XPO1: variants seen among roughly 807,000 people sequenced by gnomAD.
XPO1 encodes the protein exportin-1.
In XPO1, 5 loss-of-function variants were observed where a neutral mutation model predicts 133.3. That is an observed-to-expected ratio of 0.04 (90% CI 0.02 to 0.08). The LOEUF is 0.08. Among genes scored for constraint, XPO1 ranks in the 10% least tolerant of loss-of-function variants. XPO1 has a pLI of 1.00. For missense variants in XPO1, 506 were observed against 1,267.5 expected (o/e 0.40, Z 9.12); for synonymous variants, 419 against 408.2 (o/e 1.03, Z -0.32).
In XPO1 at chr2:61,499,698, A is replaced by C; in HGVS notation, c.590+15T>G. 6.4e-7 allele frequency: 1 copy of C among 1,557,346 alleles called. No individual in the cohort carries two copies. On this transcript the variant is annotated intron_variant, in intron 7 of 24. Transcript: ENST00000401558. ...AGAAATCACTTTAAAATTCTAAAACATAATTATTACTTGCCTGTCTTTTAA... is the reference window on the plus strand; with the variant it reads ...AGAAATCACTTTAAAATTCTAAAACCTAATTATTACTTGCCTGTCTTTTAA...
chr2:61,480,687 TATTCA>T (rs1386509411), intron 24 of XPO1: 1 of 152,224 alleles, frequency 6.6e-6, no homozygotes, highest in African/African-American at 2.4e-5. Flanking sequence ...GACTAATTCT[TATTCA>T]ACAATCATGG....
intron 24 of XPO1, among the ~76,000 whole-genome samples, chr2:61,480,963 A>C (rs546359050): frequency 1.3e-5 from 2 of 152,328 alleles, no homozygotes; most frequent in Non-Finnish European, 2.9e-5. Flanking sequence ...ATTAGTAATA[A>C]GTTTATCCGA....
intron 24 of XPO1, 63 bp downstream of exon 24, chr2:61,481,122 A>C (rs1179476231): frequency 1.9e-6 from 2 of 1,028,182 alleles, no homozygotes; most frequent in East Asian, 2.7e-5. Flanking sequence ...AAAATTCTAC[A>C]ATGTAACATA....
At chr2:61,497,700 T>C (rs1697309779) in intron 9 of XPO1, among the ~76,000 whole-genome samples, 2 of 152,320 alleles carry the variant, frequency 1.3e-5, no homozygotes, top group African/African-American at 2.4e-5. Context: ...AAAATTGGCT[T>C]ATATATTCTA....
intron 18 of XPO1, 74 bp downstream of exon 18, chr2:61,488,514 A>C (rs1696804560): frequency 6.9e-7 from 1 of 1,457,198 alleles, no homozygotes; most frequent in South Asian, 1.3e-5. Context: ...AAAAACATCA[A>C]ATGTTTGACT....
intron 1 of XPO1, chr2:61,536,695 G>A (rs947920678): frequency 2.6e-5 from 4 of 152,206 alleles, no homozygotes. Flanking sequence ...ATAGCACACA[G>A]GAGCACGCAC....
chr2:61,497,491 G>A (rs1036662683), intron 9 of XPO1, among the ~76,000 whole-genome samples: 2 of 152,180 alleles, frequency 1.3e-5, no homozygotes, highest in Admixed American at 1.3e-4. Context: ...GATTACAGGC[G>A]TGAGCCACAG....
At chr2:61,510,232 G>A (rs1012256676) in intron 4 of XPO1, among the ~76,000 whole-genome samples, 1 of 152,148 alleles carries the variant, frequency 6.6e-6, no homozygotes. Context: ...AGCCAAGATT[G>A]TACTACTGCA....
intron 24 of XPO1, chr2:61,480,473 G>A (rs565498361): frequency 6.6e-6 from 1 of 151,284 alleles, no homozygotes; most frequent in South Asian, 2.1e-4. Flanking sequence ...AGAGACGGGG[G>A]TTTCACCATG....
intron 2 of XPO1, 100 bp from the exon 3 acceptor site, chr2:61,526,621 C>A: frequency 1.2e-6 from 1 of 809,576 alleles, no homozygotes; most frequent in Non-Finnish European, 1.8e-6. Context: ...TCTAATTGGA[C>A]AGAGATTCTA....
intron 2 of XPO1, among the ~76,000 whole-genome samples, chr2:61,531,984 C>CAGT (rs1282999040): frequency 1.2e-4 from 19 of 152,250 alleles, no homozygotes; most frequent in African/African-American, 4.6e-4. Context: ...ATAGTAAAAG[C>CAGT]AGTACTGTTG....
intron 9 of XPO1, 113 bp from the exon 10 acceptor site, chr2:61,497,120 C>G: frequency 7.7e-7 from 1 of 1,307,096 alleles, no homozygotes; most frequent in South Asian, 1.6e-5. Flanking sequence ...GGGTAGATGT[C>G]AAAAACAGGC....
chr2:61,493,613 CTG>C (rs1195405038), intron 12 of XPO1: 1 of 296,540 alleles, frequency 3.4e-6, no homozygotes, highest in Non-Finnish European at 6.2e-6. Flanking sequence ...CAGGAGTTTC[CTG>C]TGTCTCATTC....
intron 4 of XPO1, among the ~76,000 whole-genome samples, chr2:61,513,223 T>C (rs1698181411): frequency 6.6e-6 from 1 of 152,122 alleles, no homozygotes; most frequent in African/African-American, 2.4e-5. Context: ...CACGCCTGGC[T>C]AATTTGTTTG....
At chr2:61,487,505 A>G (rs967609497) in intron 19 of XPO1, among the ~76,000 whole-genome samples, 1 of 152,108 alleles carries the variant, frequency 6.6e-6, no homozygotes, top group Non-Finnish European at 1.5e-5. Flanking sequence ...GAAATTTCAA[A>G]ACTATGAAAA....
At chr2:61,522,468 C>T (rs1365143844) in intron 4 of XPO1, 143 bp downstream of exon 4, 1 of 686,170 alleles carries the variant, frequency 1.5e-6, no homozygotes, top group Non-Finnish European at 2.5e-6. Context: ...TACAAACAGA[C>T]CTGTTTGCTT....
chr2:61,481,038 T>C, intron 24 of XPO1, 147 bp downstream of exon 24: 2 of 478,966 alleles, frequency 4.2e-6, no homozygotes, highest in South Asian at 7.2e-5. Flanking sequence ...CAGTCTCAGG[T>C]TTTTTGATTA....
At chr2:61,514,487 G>A (rs374328403) in intron 4 of XPO1, among the ~76,000 whole-genome samples, 61 of 151,914 alleles carry the variant, frequency 4.0e-4, no homozygotes, top group Middle Eastern at 3.4e-3. Context: ...CAGCTACTCA[G>A]GAGGCTGAGG....
intron 4 of XPO1, among the ~76,000 whole-genome samples, chr2:61,503,407 C>G (rs1429542419): frequency 6.6e-6 from 1 of 151,492 alleles, no homozygotes; most frequent in Admixed American, 6.6e-5. Flanking sequence ...ATTACAGGCA[C>G]GCACCACCAC....
Sources: allele counts gnomAD v4.1 joint callset (sites outside exome capture counted in the v4.1 genomes callset), GRCh38; gene constraint gnomAD v4.1.1; transcripts MANE v1.5; gene names NCBI Gene and HGNC (gene_info 2026-07-23, HGNC 2026-07-21).